SSC5D: variants seen among roughly 807,000 people sequenced by gnomAD.
The protein encoded by SSC5D is scavenger receptor cysteine rich family member with 5 domains.
Under a neutral mutation model 104.6 loss-of-function variants are expected in SSC5D, and 106 were observed. That is an observed-to-expected ratio of 1.01 (90% CI 0.87 to 1.19). The LOEUF is 1.19. Among genes scored for constraint, SSC5D ranks in the 50% most tolerant of loss-of-function variants. The pLI is 0.00. For missense variants in SSC5D, 1,993 were observed against 2,153.8 expected (o/e 0.93, Z 1.48); for synonymous variants, 860 against 883.5 (o/e 0.97, Z 0.47).
chr19:55,494,591 C>T lies in SSC5D; in HGVS notation c.1214-19C>T. On this transcript the variant is annotated intron_variant, in intron 7 of 13. Coordinates refer to ENST00000389623, the MANE Select transcript of SSC5D (RefSeq NM_001144950.2). ...GGAGGGTGTGTGTGGGTGGCAATCA[C>T]TTACCCCCTGCTCCACAGGCATGCC... 6.7e-7 allele frequency: 1 copy of T among 1,501,128 alleles called. No individual in the cohort carries two copies. Among genetic ancestry groups the T allele is most frequent in the South Asian group, 1.3e-5 (1 of 78,400 alleles). 93.0% of individuals were successfully genotyped at this position (1,501,128 alleles called of 1,614,324 possible).
At position 55,493,679 on chromosome 19, in the gene SSC5D, C is replaced by A; in HGVS notation, c.980C>A (p.Ser327Ter). The A allele has an allele frequency of 1.3e-6, 2 of 1,507,648 alleles. No homozygotes were observed. The highest frequency in any genetic ancestry group is 1.2e-5 in the South Asian group (1 of 80,442). 93.4% of individuals were successfully genotyped at this position (1,507,648 alleles called of 1,614,324 possible). A position where few individuals can be genotyped will look rare whatever the true frequency, so the allele number is the denominator to read the frequency against. ...LEVWHGGRWGSVCDDAWDLRD... is the reference protein window; with the variant it reads ...LEVWHGGRWG ...GTCTGGCACGGGGGTCGCTGGGGGT[C>A]GGTGTGTGACGACGCCTGGGACCTG... is the stretch of plus-strand genomic sequence containing the variant. The change falls in exon 7 of 14, where the codon TCG becomes TAG. Residue 327 changes from serine to a stop codon, truncating the protein, a stop_gained. Transcript: ENST00000389623. LOFTEE classifies it high-confidence loss of function.
In SSC5D at chr19:55,488,626, A is replaced by G. The variant is rs4405662; in HGVS notation, c.25+12A>G. On this transcript the variant is annotated intron_variant, in intron 1 of 13. Coordinates refer to ENST00000389623, the MANE Select transcript of SSC5D (RefSeq NM_001144950.2). ...GGCCTGCCTCCTTGGTGAGTGATCC[A>G]TTCTCCTTGGGGACTCGGGGGGCCT... 0.72 allele frequency: 1,120,154 copies of G among 1,547,440 alleles called. 408,835 individuals are homozygous for G. The highest frequency in any genetic ancestry group is 0.78 in the African/African-American group (56,604 of 72,264).
At position 55,503,132 on chromosome 19, in the gene SSC5D, G is replaced by A. The variant is rs1261135662; in HGVS notation, c.2785+1931G>A. On this transcript the variant is annotated intron_variant, in intron 12 of 13. Coordinates refer to ENST00000389623, the MANE Select transcript of SSC5D (RefSeq NM_001144950.2). This position sits in a 1 kb window ranked among gnomAD's most constrained non-coding sequence, Gnocchi z 4.0. Reference sequence around the variant, plus strand: ...CCGGCCTGATTTTTTGTCGAGATGGGTTCTCACTATGTTGCCCAGGCTGGT... The same window carrying A: ...CCGGCCTGATTTTTTGTCGAGATGGATTCTCACTATGTTGCCCAGGCTGGT... Among the ~76,000 whole-genome samples, 5 of 151,752 alleles carry A rather than the reference G, an allele frequency of 3.3e-5. No homozygotes were observed. The highest frequency in any genetic ancestry group is 7.4e-5 in the Non-Finnish European group (5 of 67,934).
intron 13 of SSC5D, among the ~76,000 whole-genome samples, chr19:55,514,455 A>G (rs1555767528): frequency 4.1e-5 from 1 of 24,404 alleles, no homozygotes; most frequent in East Asian, 2.7e-3. Flanking sequence ...TAATAATAAT[A>G]ATAGGTGTGG....
intron 9 of SSC5D, among the ~76,000 whole-genome samples, chr19:55,498,740 C>G (rs1987392886): frequency 6.6e-6 from 1 of 152,220 alleles, no homozygotes; most frequent in South Asian, 2.1e-4. Flanking sequence ...GAGAAATACT[C>G]TAACAAATCA....
rs554983970 is a variant in SSC5D, at chr19:55,490,107, C to T, written c.475+112C>T. The T allele has an allele frequency of 5.2e-4, 343 of 661,990 alleles. 7 individuals are homozygous for T. The South Asian group carries it at 6.2e-3, about 12-fold the overall frequency. 41.0% of individuals were successfully genotyped at this position (661,990 alleles called of 1,614,324 possible). On this transcript the variant is annotated intron_variant, in intron 4 of 13. Transcript: ENST00000389623. ...CACCCAGCGTGCCCTCCTGCCCCCA[C>T]CGAGGGGAGAGGGACCTCTGCAGTA...
chr19:55,494,883 G>C lies in SSC5D; in HGVS notation c.1387+100G>C, dbSNP rs1480714393. On this transcript the variant is annotated intron_variant, in intron 8 of 13. Coordinates refer to ENST00000389623, the MANE Select transcript of SSC5D (RefSeq NM_001144950.2). The stretch of plus-strand genomic sequence containing the variant: ...ATGGGGGGCCTCTTGCAAAGAGAAA[G>C]GTGGAGAAGAGGAGCACAGGGGCCT... 3.4e-5 allele frequency: 46 copies of C among 1,366,442 alleles called. 1 individual carries two copies. The highest frequency in any genetic ancestry group is 4.1e-5 in the Non-Finnish European group (42 of 1,030,264). The allele number at this position is 1,366,442 out of a possible 1,614,324, so 84.6% of individuals were successfully genotyped here.
rs1454358568 is a variant in SSC5D, at chr19:55,500,037, C to T, written c.1927C>T (p.Pro643Ser). ...TKNAKRPTTQ[P>S]PVMPTTKHSR... ...AAATGCAAAGAGACCAACCACTCAA[C>T]CCCCAGTGATGCCAACCACGAAACA... The change falls in exon 10 of 14, where the codon CCC becomes TCC. Residue 643 changes from proline to serine, a missense_variant. Physicochemically the swap from Pro to Ser is moderately conservative, Grantham distance 74. Coordinates refer to ENST00000389623, the MANE Select transcript of SSC5D (RefSeq NM_001144950.2). The surrounding 1 kb of genome is among the most constrained non-coding windows in gnomAD (Gnocchi z 4.6). 3.9e-6 allele frequency: 6 copies of T among 1,551,688 alleles called. No individual in the cohort carries two copies. Among genetic ancestry groups the T allele is most frequent in the African/African-American group, 2.7e-5 (2 of 72,976 alleles).
intron 13 of SSC5D, 75 bp from the exon 14 acceptor site, chr19:55,517,149 A>G: frequency 7.3e-7 from 1 of 1,367,244 alleles, no homozygotes; most frequent in East Asian, 2.5e-5. Context: ...CGGCTCCTCG[A>G]GGGGCGGGGC....
chr19:55,489,079 T>A, intron 2 of SSC5D, 47 bp downstream of exon 2: 7 of 714,746 alleles, frequency 9.8e-6, no homozygotes, highest in African/African-American at 1.4e-4. Flanking sequence ...CCCCCAGGCC[T>A]CCCCCTTCTG....
chr19:55,497,459 T>A (rs1276577224), intron 8 of SSC5D, among the ~76,000 whole-genome samples: 2 of 152,228 alleles, frequency 1.3e-5, no homozygotes, highest in Non-Finnish European at 2.9e-5. Flanking sequence ...GTTAACCAGT[T>A]TAAGTATACA....
At chr19:55,515,654 C>A (rs1987854752) in intron 13 of SSC5D, among the ~76,000 whole-genome samples, 2 of 151,752 alleles carry the variant, frequency 1.3e-5, no homozygotes, top group South Asian at 4.2e-4. Flanking sequence ...ATGGCATGAA[C>A]CTGGGAGGCA....
intron 2 of SSC5D, 103 bp downstream of exon 2, chr19:55,489,135 G>A (rs1311675081): frequency 7.5e-6 from 6 of 798,162 alleles, no homozygotes; most frequent in Non-Finnish European, 8.6e-6. Flanking sequence ...CGGCCCATCC[G>A]AATTCCACTG....
At chr19:55,495,559 T>G (rs1987304305) in intron 8 of SSC5D, among the ~76,000 whole-genome samples, 1 of 150,892 alleles carries the variant, frequency 6.6e-6, no homozygotes, top group African/African-American at 2.4e-5. Context: ...AAAGGACTGT[T>G]GTTTTAAAAT....
rs1389078764 is a variant in SSC5D, at chr19:55,518,789, C to T, written c.4513C>T (p.Gln1505Ter). ...AAVRDVGGQL[Q>*]RLTQVVEQER... ...TGTGAGGGATGTGGGTGGTCAGCTG[C>T]AGAGACTGACCCAGGTCGTGGAACA... The change falls in exon 14 of 14, where the codon CAG (glutamine) becomes TAG (stop). Residue 1505 changes from glutamine (Q) to a stop codon, truncating the protein, a stop_gained. Coordinates refer to ENST00000389623, the MANE Select transcript of SSC5D (RefSeq NM_001144950.2). LOFTEE classifies it high-confidence loss of function. The T allele has an allele frequency of 4.5e-6, 7 of 1,550,534 alleles. No individual in the cohort carries two copies. Among genetic ancestry groups the T allele is most frequent in the Non-Finnish European group, 6.1e-6 (7 of 1,147,006 alleles).
At position 55,501,210 on chromosome 19, in the gene SSC5D, C is replaced by A; in HGVS notation, c.2785+9C>A. On this transcript the variant is annotated intron_variant, in intron 12 of 13. Coordinates refer to ENST00000389623, the MANE Select transcript of SSC5D (RefSeq NM_001144950.2). ...GCGCCTGCCGGACACAGGTGAGAGG[C>A]CTGATTGGGGTGGCCATGGAGGGCC... 1 of 1,508,476 alleles carries A rather than the reference C, an allele frequency of 6.6e-7. No individual in the cohort carries two copies. The highest frequency in any genetic ancestry group is 8.8e-7 in the Non-Finnish European group (1 of 1,130,010). The allele number at this position is 1,508,476 out of a possible 1,614,324, so 93.4% of individuals were successfully genotyped here.
Position 55,490,916 on chromosome 19 carries a change from C to A in SSC5D, c.731C>A (p.Ala244Glu), listed in dbSNP as rs1016359398. The A allele has an allele frequency of 1.9e-6, 3 of 1,543,828 alleles. No homozygotes were observed. Among genetic ancestry groups the A allele is most frequent in the Non-Finnish European group, 1.7e-6 (2 of 1,143,422 alleles). The change falls in exon 6 of 14, where the codon GCG becomes GAG. Residue 244 changes from alanine to glutamate, a missense_variant. Ala to Glu is a moderately radical substitution (Grantham distance 107). Around this residue, in one of 6 missense-constraint regions of SSC5D, gnomAD observed 1,101 missense variants for 1,085.0 expected, o/e 1.01. Transcript: ENST00000389623. Reference protein sequence around the residue: ...VACRELGCGGALAAPGGARFG... With the variant: ...VACRELGCGGELAAPGGARFG... ...TGCCGGGAACTGGGCTGTGGGGGGG[C>A]GCTGGCTGCCCCCGGCGGTGCCAGA... is the stretch of plus-strand genomic sequence containing the variant.
Position 55,500,535 on chromosome 19 carries a change from G to T in SSC5D, c.2348G>T (p.Gly783Val). 2.6e-6 allele frequency: 4 copies of T among 1,551,738 alleles called. No individual in the cohort carries two copies. The Middle Eastern group carries it at 6.7e-4, about 259-fold the overall frequency. Residue 783 changes from glycine to valine, a missense_variant, in exon 11 of 14, where the codon GGC (glycine) becomes GTC (valine). Around this residue, in one of 6 missense-constraint regions of SSC5D, gnomAD observed 70 missense variants for 107.1 expected, o/e 0.65. Coordinates refer to ENST00000389623, the MANE Select transcript of SSC5D (RefSeq NM_001144950.2). The surrounding 1 kb of genome is among the most constrained non-coding windows in gnomAD (Gnocchi z 4.6). ...GCCGATGGGCCCAACCGCTGTGCTG[G>T]CCGGCTGGAAGTGTGGCATGCCGGA... Reference protein sequence around the residue: ...RLADGPNRCAGRLEVWHAGRW... With the variant: ...RLADGPNRCAVRLEVWHAGRW...
intron 12 of SSC5D, chr19:55,504,259 T>TC: frequency 6.6e-7 from 1 of 1,515,254 alleles, no homozygotes; most frequent in Non-Finnish European, 8.8e-7. Context: ...GGGTCCGGCC[T>TC]CGGGACCCCT....
Sources: allele counts gnomAD v4.1 joint callset (sites outside exome capture counted in the v4.1 genomes callset), GRCh38; gene constraint gnomAD v4.1.1; regional missense constraint gnomAD v4.1.1; non-coding constraint Gnocchi (gnomAD v3.1); transcripts MANE v1.5; gene names NCBI Gene and HGNC (gene_info 2026-07-23, HGNC 2026-07-21).